HAPLN3: variants seen among roughly 807,000 people sequenced by gnomAD.
The protein encoded by HAPLN3 is extracellular link domain containing, 1.
Under a neutral mutation model 28.1 loss-of-function variants are expected in HAPLN3, and 28 were observed. The observed-to-expected ratio is 1.00, with a 90% confidence interval of 0.74 to 1.37. HAPLN3 has a LOEUF of 1.37. HAPLN3 is among the 40% of genes most tolerant of loss of function. HAPLN3 has a pLI of 0.00. For missense variants in HAPLN3, 513 were observed against 504.6 expected (o/e 1.02, Z -0.16); for synonymous variants, 211 against 213.1 (o/e 0.99, Z 0.09).
At chr15:88,891,206 C>A (rs1051642360) in intron 1 of HAPLN3, among the ~76,000 whole-genome samples, 4 of 152,008 alleles carry the variant, frequency 2.6e-5, no homozygotes, top group African/African-American at 9.7e-5. Flanking sequence ...CACAGCTTAG[C>A]CTCACTTGTC....
intron 1 of HAPLN3, among the ~76,000 whole-genome samples, chr15:88,889,343 G>GT (rs112364208): frequency 0.11 from 15,894 of 151,118 alleles, 906 homozygotes; most frequent in South Asian, 0.19. Context: ...ATCCTGTTTT[G>GT]TTTTTTTTTA....
Position 88,887,182 on chromosome 15 carries a change from A to ATGACCGTTGC in HAPLN3, c.107_116dup (p.His39GlnfsTer10). 1 of 1,614,110 alleles carries ATGACCGTTGC rather than the reference A, an allele frequency of 6.2e-7. No homozygotes were observed. The highest frequency in any genetic ancestry group is 1.1e-5 in the South Asian group (1 of 91,084). On this transcript the variant is annotated frameshift_variant, in exon 2 of 5. Coordinates refer to ENST00000359595, the MANE Select transcript of HAPLN3 (RefSeq NM_178232.4). LOFTEE classifies it high-confidence loss of function. Reference sequence around the variant, plus strand: ...GTGCAGGAGGTCGCCTACCTTTGCCATGACCGTTGCCTAGGTTCTGGTCGT... The same window carrying ATGACCGTTGC: ...GTGCAGGAGGTCGCCTACCTTTGCCATGACCGTTGCTGACCGTTGCCTAGGTTCTGGTCGT...
chr15:88,894,336 T>A (rs1487570657), intron 1 of HAPLN3, among the ~76,000 whole-genome samples: 3 of 151,968 alleles, frequency 2.0e-5, no homozygotes, highest in Non-Finnish European at 2.9e-5. Flanking sequence ...TAGGGACCCC[T>A]CCACCCAAGA....
At position 88,880,907 on chromosome 15, in the gene HAPLN3, G is replaced by C. The variant is rs1567200508; in HGVS notation, c.493+450C>G. On this transcript the variant is annotated intron_variant, in intron 3 of 4. Transcript: ENST00000359595. The surrounding 1 kb of genome is among the most constrained non-coding windows in gnomAD (Gnocchi z 6.0). ...CCTGAGTAGTGTGGGAGCTCCCTGG[G>C]CACAGGACAAGGGCTCAGGAGTGTG... Among the ~76,000 whole-genome samples, 4 of 152,172 alleles carry C rather than the reference G, an allele frequency of 2.6e-5. No homozygotes were observed. The highest frequency in any genetic ancestry group is 9.7e-5 in the African/African-American group (4 of 41,440).
chr15:88,891,165 C>T (rs1204031515), intron 1 of HAPLN3, among the ~76,000 whole-genome samples: 23 of 152,176 alleles, frequency 1.5e-4, no homozygotes, highest in Admixed American at 1.5e-3. Flanking sequence ...CAGGCGTGAG[C>T]CACTGCACCC....
At chr15:88,890,870 C>T (rs888524037) in intron 1 of HAPLN3, among the ~76,000 whole-genome samples, 2 of 144,798 alleles carry the variant, frequency 1.4e-5, no homozygotes, top group African/African-American at 2.7e-5. Flanking sequence ...ATTTAAGCCA[C>T]CACTTTTTTG....
chr15:88,880,663 A>T lies in HAPLN3; in HGVS notation c.493+694T>A. The T allele has an allele frequency of 1.6e-6, 2 of 1,218,036 alleles. No homozygotes were observed. Among genetic ancestry groups the T allele is most frequent in the Non-Finnish European group, 2.2e-6 (2 of 926,068 alleles). The allele number at this position is 1,218,036 out of a possible 1,614,324, so 75.5% of individuals were successfully genotyped here. A position where few individuals can be genotyped will look rare whatever the true frequency, so the allele number is the denominator to read the frequency against. ...TAAAGATCAAACAGGGACCCCACAT[A>T]CAAGATCCGGCTTGCAGGGTGTGGC... On this transcript the variant is annotated intron_variant, in intron 3 of 4. Coordinates refer to ENST00000359595, the MANE Select transcript of HAPLN3 (RefSeq NM_178232.4). The surrounding 1 kb of genome is among the most constrained non-coding windows in gnomAD (Gnocchi z 6.0).
chr15:88,880,892 G>A lies in HAPLN3; in HGVS notation c.493+465C>T, dbSNP rs1268027800. ...GCATCATCAGCTGGGCCTGAGTAGT[G>A]TGGGAGCTCCCTGGGCACAGGACAA... On this transcript the variant is annotated intron_variant, in intron 3 of 4. Transcript: ENST00000359595. The surrounding 1 kb of genome is among the most constrained non-coding windows in gnomAD (Gnocchi z 6.0). 6.6e-6 allele frequency among the ~76,000 whole-genome samples: 1 copy of A among 152,190 alleles called. No homozygotes were observed. Among genetic ancestry groups the A allele is most frequent in the Non-Finnish European group, 1.5e-5 (1 of 68,042 alleles).
chr15:88,891,727 G>A (rs116073060), intron 1 of HAPLN3, among the ~76,000 whole-genome samples: 281 of 152,360 alleles, frequency 1.8e-3, no homozygotes, highest in African/African-American at 6.4e-3. Context: ...AAGTGGCAGA[G>A]CTAGGATTCG....
Position 88,888,176 on chromosome 15 carries a change from C to T in HAPLN3, c.-47-831G>A, listed in dbSNP as rs1287159033. Reference sequence around the variant, plus strand: ...GAGTGGAGGTTGCTCACTGCAACCTCCGCCTCCTGGGTTCAAGAAATTCTC... The same window carrying T: ...GAGTGGAGGTTGCTCACTGCAACCTTCGCCTCCTGGGTTCAAGAAATTCTC... On this transcript the variant is annotated intron_variant, in intron 1 of 4. Transcript: ENST00000359595. This position sits in a 1 kb window ranked among gnomAD's most constrained non-coding sequence, Gnocchi z 4.1. 2.0e-5 allele frequency among the ~76,000 whole-genome samples: 3 copies of T among 150,312 alleles called. No individual in the cohort carries two copies. Among genetic ancestry groups the T allele is most frequent in the Non-Finnish European group, 4.4e-5 (3 of 67,736 alleles).
At position 88,881,081 on chromosome 15, in the gene HAPLN3, C is replaced by T. The variant is rs542045796; in HGVS notation, c.493+276G>A. 21 of 475,912 alleles carry T rather than the reference C, an allele frequency of 4.4e-5. No individual in the cohort carries two copies. The highest frequency in any genetic ancestry group is 2.3e-4 in the South Asian group (8 of 34,164). The allele number at this position is 475,912 out of a possible 1,614,324, so 29.5% of individuals were successfully genotyped here. A position where few individuals can be genotyped will look rare whatever the true frequency, so the allele number is the denominator to read the frequency against. Reference sequence around the variant, plus strand: ...TCTCTGAATGAGATGTGAATTACAGCGGGTAGAGGGGAACAGATTCTAGAG... The same window carrying T: ...TCTCTGAATGAGATGTGAATTACAGTGGGTAGAGGGGAACAGATTCTAGAG... On this transcript the variant is annotated intron_variant, in intron 3 of 4. Transcript: ENST00000359595. This position sits in a 1 kb window ranked among gnomAD's most constrained non-coding sequence, Gnocchi z 6.0.
chr15:88,881,380 C>A lies in HAPLN3; in HGVS notation c.470G>T (p.Gly157Val). The change falls in exon 3 of 5, where the codon GGT becomes GTT. Residue 157 changes from glycine to valine, a missense_variant. Physicochemically the swap from Gly to Val is moderately radical, Grantham distance 109. Transcript: ENST00000359595. This position sits in a 1 kb window ranked among gnomAD's most constrained non-coding sequence, Gnocchi z 6.0. ...EVIDGLEDES[G>V]LVELELRGVV... Reference sequence around the variant, plus strand: ...ACCCCGCAGCTCCAGCTCCACCAGACCGCTTTCATCCTCCAGCCCGTCAAT... The same window carrying A: ...ACCCCGCAGCTCCAGCTCCACCAGAACGCTTTCATCCTCCAGCCCGTCAAT... 1 of 1,612,996 alleles carries A rather than the reference C, an allele frequency of 6.2e-7. No individual in the cohort carries two copies. The highest frequency in any genetic ancestry group is 1.1e-5 in the South Asian group (1 of 91,000).
chr15:88,887,335 C>T lies in HAPLN3; in HGVS notation c.-37G>A. ...AGGGTGACCCGGGCCAGGCTGGGGC[C>T]CCAGGGCAAACTGGGAAGGGGAGGA... On this transcript the variant is annotated 5_prime_UTR_variant, in exon 2 of 5. Transcript: ENST00000359595. 1 of 1,612,054 alleles carries T rather than the reference C, an allele frequency of 6.2e-7. No individual in the cohort carries two copies. The highest frequency in any genetic ancestry group is 8.5e-7 in the Non-Finnish European group (1 of 1,179,140).
At chr15:88,882,013 A>G (rs1355370067) in intron 2 of HAPLN3, among the ~76,000 whole-genome samples, 1 of 152,232 alleles carries the variant, frequency 6.6e-6, no homozygotes, top group South Asian at 2.1e-4. Flanking sequence ...TGCTCTGAGC[A>G]TAGGTCCCAG....
chr15:88,884,837 G>A (rs1462477344), intron 2 of HAPLN3, among the ~76,000 whole-genome samples: 1 of 152,126 alleles, frequency 6.6e-6, no homozygotes, highest in Non-Finnish European at 1.5e-5. Flanking sequence ...ACGTGACCAA[G>A]GAGGCAGAGC....
Position 88,879,770 on chromosome 15 carries a change from G to A in HAPLN3, c.494-501C>T, listed in dbSNP as rs2141656455. 8.8e-7 allele frequency: 1 copy of A among 1,140,288 alleles called. No individual in the cohort carries two copies. Among genetic ancestry groups the A allele is most frequent in the Non-Finnish European group, 1.1e-6 (1 of 918,592 alleles). The allele number at this position is 1,140,288 out of a possible 1,614,324, so 70.6% of individuals were successfully genotyped here. ...AGGCCCTAGAGGCCGTGGGGAGAGG[G>A]TTGGGGAAGGGCCTTCCATAAAGGA... On this transcript the variant is annotated intron_variant, in intron 3 of 4. Coordinates refer to ENST00000359595, the MANE Select transcript of HAPLN3 (RefSeq NM_178232.4). The surrounding 1 kb of genome is among the most constrained non-coding windows in gnomAD (Gnocchi z 5.0).
rs746814116 is a variant in HAPLN3 at position 88,878,178 on chromosome 15, G to C, written c.875C>G (p.Thr292Arg). 7 of 1,614,174 alleles carry C rather than the reference G, an allele frequency of 4.3e-6. No individual in the cohort carries two copies. The highest frequency in any genetic ancestry group is 5.9e-6 in the Non-Finnish European group (7 of 1,180,010). Residue 292 changes from threonine (T) to arginine (R), a missense_variant, in exon 5 of 5, where the codon ACG becomes AGG. By Grantham distance (71) the Thr-to-Arg change is moderately conservative. Transcript: ENST00000359595. ...AAAGAGCTGTCCCACCTTGGCGATC[G>C]TGGCATCATCTTCCTGGCAGGCCTC... ...AREACQEDDATIAKVGQLFAA... is the reference protein window; with the variant it reads ...AREACQEDDARIAKVGQLFAA...
intron 1 of HAPLN3, among the ~76,000 whole-genome samples, chr15:88,892,101 C>A (rs1362885586): frequency 3.9e-5 from 6 of 152,128 alleles, no homozygotes; most frequent in Admixed American, 2.0e-4. Context: ...ATCAGTAACA[C>A]CTCTTTGTTG....
At position 88,880,720 on chromosome 15, in the gene HAPLN3, G is replaced by T. The variant is rs1897673342; in HGVS notation, c.493+637C>A. ...GGACAGCACTGGGTTTTTGTTTTTG[G>T]TTTTGGGGGGGCTTTTTGTTTGTTT... On this transcript the variant is annotated intron_variant, in intron 3 of 4. Transcript: ENST00000359595. This position sits in a 1 kb window ranked among gnomAD's most constrained non-coding sequence, Gnocchi z 6.0. 4.6e-6 allele frequency: 2 copies of T among 434,404 alleles called. No homozygotes were observed. Among genetic ancestry groups the T allele is most frequent in the Non-Finnish European group, 3.6e-6 (1 of 280,440 alleles). The allele number at this position is 434,404 out of a possible 1,614,324, so 26.9% of individuals were successfully genotyped here.
Sources: gnomAD v4.1 joint callset for allele counts (sites outside exome capture counted in the v4.1 genomes callset) on GRCh38, gnomAD v4.1.1 for gene constraint, Gnocchi (gnomAD v3.1) non-coding constraint, MANE v1.5 for transcripts, NCBI Gene and HGNC (gene_info 2026-07-23, HGNC 2026-07-21) for gene names.